The following ASAP2 variants were observed in gnomAD, a reference collection of about 807,000 sequenced individuals.
ASAP2 encodes the protein arf-GAP with SH3 domain, ANK repeat and PH domain-containing protein 2.
ASAP2 carries 45 observed loss-of-function variants against 131.4 expected under a neutral mutation model. That is an observed-to-expected ratio of 0.34 (90% CI 0.27 to 0.44). ASAP2 has a LOEUF of 0.44. ASAP2 is among the 20% of genes least tolerant of loss of function. ASAP2 has a pLI of 1.00. For missense variants in ASAP2, 1,011 were observed against 1,297.0 expected (o/e 0.78, Z 3.39); for synonymous variants, 510 against 503.0 (o/e 1.01, Z -0.19).
intron 3 of ASAP2, among the ~76,000 whole-genome samples, chr2:9,315,339 A>G (rs74663590): frequency 0.017 from 2,564 of 152,316 alleles, 89 homozygotes; most frequent in African/African-American, 0.058. Flanking sequence ...GAGAAGGAGC[A>G]GTGAGGCGCA....
At chr2:9,293,114 G>A (rs1667922030) in intron 2 of ASAP2, among the ~76,000 whole-genome samples, 2 of 152,304 alleles carry the variant, frequency 1.3e-5, no homozygotes, top group Admixed American at 1.3e-4. Flanking sequence ...ACAGAATCCA[G>A]TAAACTAAAA....
At chr2:9,223,112 C>T (rs1662543230) in intron 1 of ASAP2, among the ~76,000 whole-genome samples, 4 of 152,328 alleles carry the variant, frequency 2.6e-5, no homozygotes. Context: ...TTGGTGATGA[C>T]ATTTAAAGTT....
intron 1 of ASAP2, among the ~76,000 whole-genome samples, chr2:9,212,678 G>A (rs956427491): frequency 2.8e-4 from 42 of 152,252 alleles, no homozygotes; most frequent in African/African-American, 9.9e-4. Context: ...GGCCCGCACT[G>A]TCTGATGAGG....
At chr2:9,301,509 G>T (rs1459263249) in intron 3 of ASAP2, among the ~76,000 whole-genome samples, 3 of 152,166 alleles carry the variant, frequency 2.0e-5, no homozygotes, top group Non-Finnish European at 4.4e-5. Context: ...GACTCCAAGG[G>T]CCACCTCTGT....
chr2:9,364,097 A>G (rs1673278553), intron 15 of ASAP2, among the ~76,000 whole-genome samples: 1 of 152,224 alleles, frequency 6.6e-6, no homozygotes, highest in Non-Finnish European at 1.5e-5. Context: ...TTCAGGTCAT[A>G]TGAAAAACAG....
chr2:9,291,715 C>T (rs1342987362), intron 2 of ASAP2, among the ~76,000 whole-genome samples: 5 of 152,112 alleles, frequency 3.3e-5, no homozygotes, highest in Non-Finnish European at 5.9e-5. Flanking sequence ...CTGCCTGATT[C>T]CCAAGTGGCC....
At chr2:9,345,908 G>A (rs1226175328) in intron 11 of ASAP2, among the ~76,000 whole-genome samples, 1 of 152,046 alleles carries the variant, frequency 6.6e-6, no homozygotes, top group Non-Finnish European at 1.5e-5. Context: ...CTCTGGGGGT[G>A]CCTTTGTTTT....
intron 1 of ASAP2, among the ~76,000 whole-genome samples, chr2:9,238,539 G>C (rs1012052784): frequency 2.0e-5 from 3 of 152,166 alleles, no homozygotes; most frequent in African/African-American, 7.2e-5. Context: ...CTTTCTCAAG[G>C]GTCTTTTCTG....
chr2:9,391,256 G>A (rs1675699844), intron 23 of ASAP2, 60 bp downstream of exon 23: 2 of 1,559,610 alleles, frequency 1.3e-6, no homozygotes, highest in Non-Finnish European at 1.7e-6. Flanking sequence ...GATGGCGGGG[G>A]GTGCTCTCTG....
intron 24 of ASAP2, among the ~76,000 whole-genome samples, chr2:9,396,352 G>A (rs955128466): frequency 2.0e-5 from 3 of 151,930 alleles, no homozygotes; most frequent in Non-Finnish European, 4.4e-5. Flanking sequence ...ACGGTTCACC[G>A]CAGCCTCGAC....
chr2:9,304,371 A>G (rs1044928397), intron 3 of ASAP2, among the ~76,000 whole-genome samples: 10 of 152,208 alleles, frequency 6.6e-5, no homozygotes, highest in Admixed American at 5.9e-4. Context: ...GGTGACCTCA[A>G]ACTTAGAAAA....
rs1033259285 is a variant in ASAP2 at position 9,376,935 on chromosome 2, G to T, written c.1774G>T (p.Ala592Ser). 4 of 1,614,184 alleles carry T rather than the reference G, an allele frequency of 2.5e-6. No homozygotes were observed. Among genetic ancestry groups the T allele is most frequent in the Non-Finnish European group, 8.5e-7 (1 of 1,180,032 alleles). ...HEPDETALHLAVRSVDRTSLH... is the reference protein window; with the variant it reads ...HEPDETALHLSVRSVDRTSLH... Reference sequence around the variant, plus strand: ...GCCGGATGAAACGGCCCTCCACCTTGCAGTCAGATCCGTGGATCGAACCTC... The same window carrying T: ...GCCGGATGAAACGGCCCTCCACCTTTCAGTCAGATCCGTGGATCGAACCTC... The change falls in exon 18 of 28, where the codon GCA becomes TCA. Residue 592 changes from alanine (A) to serine (S), a missense_variant. This residue lies in a region of ASAP2 where 652 missense variants were observed against 698.9 expected (regional missense o/e 0.93). Coordinates refer to ENST00000281419, the MANE Select transcript of ASAP2 (RefSeq NM_003887.3).
intron 1 of ASAP2, among the ~76,000 whole-genome samples, chr2:9,264,695 C>T (rs528549854): frequency 6.6e-6 from 1 of 152,286 alleles, no homozygotes; most frequent in South Asian, 2.1e-4. Context: ...ATAACTAAGT[C>T]CTTTGCCTCT....
intron 1 of ASAP2, among the ~76,000 whole-genome samples, chr2:9,240,437 G>T (rs754123407): frequency 6.6e-6 from 1 of 151,506 alleles, no homozygotes; most frequent in Non-Finnish European, 1.5e-5. Context: ...GTAGAGATGG[G>T]GTTTCTCCAT....
chr2:9,400,854 G>C (rs372233696), intron 26 of ASAP2, 24 bp downstream of exon 26: 1 of 1,603,938 alleles, frequency 6.2e-7, no homozygotes, highest in African/African-American at 1.3e-5. Context: ...CCCCTTTCCT[G>C]CCTCTCTGCT....
At chr2:9,401,918 C>T (rs1676716781) in intron 27 of ASAP2, among the ~76,000 whole-genome samples, 2 of 152,232 alleles carry the variant, frequency 1.3e-5, no homozygotes, top group Admixed American at 1.3e-4. Flanking sequence ...GTGGGATCAT[C>T]TGTGACAGGG....
At chr2:9,235,383 C>T (rs983240693) in intron 1 of ASAP2, among the ~76,000 whole-genome samples, 1 of 152,150 alleles carries the variant, frequency 6.6e-6, no homozygotes, top group African/African-American at 2.4e-5. Context: ...GTGGGTGGCA[C>T]CCCAGCCCTT....
intron 1 of ASAP2, among the ~76,000 whole-genome samples, chr2:9,230,472 T>C (rs1009403039): frequency 1.3e-5 from 2 of 152,210 alleles, no homozygotes; most frequent in South Asian, 2.1e-4. Flanking sequence ...AGGCAAAAAC[T>C]GTGCTGAGAC....
intron 3 of ASAP2, among the ~76,000 whole-genome samples, chr2:9,304,520 T>G: frequency 2.7e-5 from 3 of 110,600 alleles, no homozygotes; most frequent in Non-Finnish European, 3.8e-5. Flanking sequence ...GGGAGGGCTG[T>G]AGGGGGATGT....
Sources: gnomAD v4.1 joint callset for allele counts (sites outside exome capture counted in the v4.1 genomes callset) on GRCh38, gnomAD v4.1.1 for gene constraint, gnomAD v4.1.1 regional missense constraint, MANE v1.5 for transcripts, NCBI Gene and HGNC (gene_info 2026-07-23, HGNC 2026-07-21) for gene names.